Variants in E4F1 observed in about 807,000 individuals in gnomAD.
The protein encoded by E4F1 is E4F transcription factor 1, also known as transcription factor E4F1.
E4F1 carries 30 observed loss-of-function variants against 72.9 expected under a neutral mutation model. The ratio of observed to expected loss-of-function variants is 0.41; its 90% CI spans 0.31 to 0.56. E4F1 has a LOEUF of 0.56. Ranked by LOEUF, E4F1 falls within the 20% of genes least tolerant of loss-of-function variation. The probability of loss-of-function intolerance (pLI) is 0.25; values close to 1 mark genes in which losing one functional copy is unlikely to be tolerated. For missense variants in E4F1, 1,091 were observed against 1,117.5 expected (o/e 0.98, Z 0.34); for synonymous variants, 542 against 478.2 (o/e 1.13, Z -1.74).
intron 1 of E4F1, among the ~76,000 whole-genome samples, chr16:2,225,149 G>A (rs2093423865): frequency 6.6e-6 from 1 of 151,702 alleles, no homozygotes; most frequent in Non-Finnish European, 1.5e-5. Context: ...GGAGACGGAG[G>A]TCGCAGTAAG....
At chr16:2,229,722 G>T in intron 3 of E4F1, 47 bp downstream of exon 3, 1 of 1,597,856 alleles carries the variant, frequency 6.3e-7, no homozygotes, top group Non-Finnish European at 8.5e-7. Flanking sequence ...CTTCGTGGTT[G>T]GGGCCAGAGG....
At position 2,233,106 on chromosome 16, in the gene E4F1, G is replaced by A. The variant is rs750675436; in HGVS notation, c.979G>A (p.Ala327Thr). Residue 327 changes from alanine (A) to threonine (T), a missense_variant, in exon 7 of 14, where the codon GCC (alanine) becomes ACC (threonine). Ala to Thr is a moderately conservative substitution (Grantham distance 58, BLOSUM62 0). Transcript: ENST00000301727. ...ACCCGTGATTCACCTGGTGACAGAT[G>A]CCAAGGGCACCGTCATCCACGAAGT... Reference protein sequence around the residue: ...TSPVIHLVTDAKGTVIHEVHV... With the variant: ...TSPVIHLVTDTKGTVIHEVHV... 1.9e-6 allele frequency: 3 copies of A among 1,612,504 alleles called. No homozygotes were observed. Among genetic ancestry groups the A allele is most frequent in the Admixed American group, 3.3e-5 (2 of 59,990 alleles).
In E4F1 at chr16:2,223,715, G is replaced by A; in HGVS notation, c.102G>A (p.Ala34=). 2 of 1,556,166 alleles carry A rather than the reference G, an allele frequency of 1.3e-6. No individual in the cohort carries two copies. Among genetic ancestry groups the A allele is most frequent in the Non-Finnish European group, 1.7e-6 (2 of 1,161,970 alleles). ...EAGEGAVAAV[A]AALAPSGFLG... The stretch of plus-strand genomic sequence containing the variant: ...GCGAGGGTGCAGTTGCGGCGGTGGC[G>A]GCGGCCTTGGCCCCCAGCGGCTTCC... The change falls in exon 1 of 14, where the codon GCG becomes GCA. Residue 34 remains alanine (A), a synonymous_variant. Transcript: ENST00000301727.
chr16:2,230,431 C>G (rs1407194267), intron 3 of E4F1: 1 of 152,506 alleles, frequency 6.6e-6, no homozygotes, highest in Non-Finnish European at 1.5e-5. Flanking sequence ...GGGCGAGTGG[C>G]TAGGTGTGCA....
rs570940739 is a variant in E4F1, at chr16:2,233,205, G to C, written c.1056+22G>C. The C allele has an allele frequency of 1.9e-6, 3 of 1,582,856 alleles. No individual in the cohort carries two copies. In the Admixed American group the frequency reaches 5.2e-5, roughly 27 times the overall value. On this transcript the variant is annotated intron_variant, in intron 7 of 13. Coordinates refer to ENST00000301727, the MANE Select transcript of E4F1 (RefSeq NM_004424.5). ...AGAGGTGGGGGCGACGGGGGGCCCC[G>C]GAGGGCTGCTCTGTCTTCTGCCTGC...
rs1270646319 is a variant in E4F1, at chr16:2,223,679, G to A, written c.66G>A (p.Gly22=). The A allele has an allele frequency of 6.3e-7, 1 of 1,580,010 alleles. No individual in the cohort carries two copies. Among genetic ancestry groups the A allele is most frequent in the Admixed American group, 1.7e-5 (1 of 57,342 alleles). Residue 22 remains glycine (G), a synonymous_variant, in exon 1 of 14, where the codon GGG becomes GGA. Transcript: ENST00000301727. ...AHTAEAQAEA[G]REAGEGAVAA... is the part of the protein sequence containing the mutation. ...CGGCAGAAGCCCAGGCCGAAGCCGG[G>A]CGGGAAGCGGGCGAGGGTGCAGTTG...
rs549906446 is a variant in E4F1, at chr16:2,234,079, C to T, written c.1375+89C>T. On this transcript the variant is annotated intron_variant, in intron 9 of 13. Transcript: ENST00000301727. ...TGGGTGTCCAGGGTGGGTCCATAGA[C>T]AGCAGGGAGCCAGGGGATCTGTGGG... The T allele has an allele frequency of 3.5e-3, 5,395 of 1,549,570 alleles. 27 individuals carry two copies. Among genetic ancestry groups the T allele is most frequent in the Non-Finnish European group, 3.4e-3 (3,877 of 1,143,910 alleles).
intron 3 of E4F1, 78 bp downstream of exon 3, chr16:2,229,753 A>G (rs2093455496): frequency 2.7e-6 from 4 of 1,484,676 alleles, no homozygotes; most frequent in South Asian, 1.1e-5. Flanking sequence ...TGCTGCCTGT[A>G]TGCTCGTCTC....
intron 2 of E4F1, among the ~76,000 whole-genome samples, chr16:2,228,971 C>T (rs1027536974): frequency 2.0e-5 from 3 of 152,238 alleles, no homozygotes; most frequent in African/African-American, 7.2e-5. Flanking sequence ...GGGCTGGATA[C>T]ACAGGCCTGT....
intron 1 of E4F1, among the ~76,000 whole-genome samples, chr16:2,225,835 C>A (rs899972578): frequency 6.7e-6 from 1 of 150,140 alleles, no homozygotes; most frequent in African/African-American, 2.4e-5. Context: ...ATGGCTCGCG[C>A]CTGTAATCCC....
In E4F1 at chr16:2,233,076, A is replaced by G; in HGVS notation, c.949A>G (p.Thr317Ala). 1 of 1,612,416 alleles carries G rather than the reference A, an allele frequency of 6.2e-7. No individual in the cohort carries two copies. The highest frequency in any genetic ancestry group is 8.5e-7 in the Non-Finnish European group (1 of 1,179,444). Residue 317 changes from threonine to alanine, a missense_variant, in exon 7 of 14, where the codon ACT becomes GCT. By Grantham distance (58) the Thr-to-Ala change is moderately conservative (BLOSUM62 0). This residue lies in a region of E4F1 where 101 missense variants were observed against 97.4 expected (regional missense o/e 1.04). Coordinates refer to ENST00000301727, the MANE Select transcript of E4F1 (RefSeq NM_004424.5). ...TSSVTGEPIE[T>A]SPVIHLVTDA... ...ATCGGTGACAGGCGAGCCTATAGAGACTTCACCCGTGATTCACCTGGTGAC... is the reference window on the plus strand; with the variant it reads ...ATCGGTGACAGGCGAGCCTATAGAGGCTTCACCCGTGATTCACCTGGTGAC...
rs772419867 is a variant in E4F1, at chr16:2,229,590, C to T, written c.330C>T (p.Gly110=). 5.0e-6 allele frequency: 8 copies of T among 1,611,890 alleles called. No individual in the cohort carries two copies. Among genetic ancestry groups the T allele is most frequent in the Middle Eastern group, 1.7e-4 (1 of 6,060 alleles). ...LGQEVVPAAP[G]PEEPITVAHI... ...GGCAGGTGGTGCCGGCAGCACCAGG[C>T]CCAGAGGAGCCCATCACTGTGGCCC... The change falls in exon 3 of 14, where the codon GGC becomes GGT. Residue 110 remains glycine, a synonymous_variant. Transcript: ENST00000301727.
At chr16:2,227,585 G>T (rs554801748) in intron 1 of E4F1, among the ~76,000 whole-genome samples, 15 of 152,196 alleles carry the variant, frequency 9.9e-5, no homozygotes, top group African/African-American at 3.6e-4. Context: ...TGTTAGCCAG[G>T]ATGGTCTCAA....
At position 2,233,604 on chromosome 16, in the gene E4F1, C is replaced by T. The variant is rs1163467597; in HGVS notation, c.1223C>T (p.Ala408Val). Reference sequence around the variant, plus strand: ...TCCAGTCCCCAGCCCCTGGCAGTGGCAGCCCCGCAGCTGCCGGTACTGGAA... The same window carrying T: ...TCCAGTCCCCAGCCCCTGGCAGTGGTAGCCCCGCAGCTGCCGGTACTGGAA... ...AGSSPQPLAV[A>V]APQLPVLEVQ... The change falls in exon 8 of 14, where the codon GCA becomes GTA. Residue 408 changes from alanine to valine, a missense_variant. By Grantham distance (64) the Ala-to-Val change is moderately conservative (BLOSUM62 0). This residue lies in a region of E4F1 where 622 missense variants were observed against 628.0 expected (regional missense o/e 0.99). Transcript: ENST00000301727. 1.3e-6 allele frequency: 2 copies of T among 1,506,886 alleles called. No individual in the cohort carries two copies. Among genetic ancestry groups the T allele is most frequent in the African/African-American group, 2.8e-5 (2 of 72,264 alleles). 93.3% of individuals were successfully genotyped at this position (1,506,886 alleles called of 1,614,324 possible).
At position 2,233,570 on chromosome 16, in the gene E4F1, G is replaced by C; in HGVS notation, c.1189G>C (p.Ala397Pro). Residue 397 changes from alanine to proline, a missense_variant, in exon 8 of 14, where the codon GCT becomes CCT. Physicochemically the swap from Ala to Pro is conservative, Grantham distance 27. This residue lies in a region of E4F1 where 622 missense variants were observed against 628.0 expected (regional missense o/e 0.99). Transcript: ENST00000301727. ...GEEGALEPAP[A>P]AGSSPQPLAV... ...GGAGGGTGCCCTGGAGCCAGCTCCT[G>C]CTGCCGGGTCCAGTCCCCAGCCCCT... 1 of 1,504,530 alleles carries C rather than the reference G, an allele frequency of 6.6e-7. No individual in the cohort carries two copies. The highest frequency in any genetic ancestry group is 1.4e-5 in the African/African-American group (1 of 72,268). 93.2% of individuals were successfully genotyped at this position (1,504,530 alleles called of 1,614,324 possible).
At position 2,228,409 on chromosome 16, in the gene E4F1, A is replaced by G. The variant is rs762184429; in HGVS notation, c.195A>G (p.Ala65=). Residue 65 remains alanine (A), a synonymous_variant, in exon 2 of 14, where the codon GCA becomes GCG. Coordinates refer to ENST00000301727, the MANE Select transcript of E4F1 (RefSeq NM_004424.5). The stretch of plus-strand genomic sequence containing the variant: ...TGCACAGATGCGGCCGCTGCCAGGC[A>G]GAGTTCACCGCCTTGGAGGATTTTG... ...DDVHRCGRCQ[A]EFTALEDFVQ... is the part of the protein sequence containing the mutation. 1.9e-5 allele frequency: 30 copies of G among 1,613,678 alleles called. No homozygotes were observed. The highest frequency in any genetic ancestry group is 2.5e-5 in the Non-Finnish European group (30 of 1,180,036).
intron 1 of E4F1, chr16:2,224,059 T>G: frequency 5.6e-4 from 555 of 989,240 alleles, no homozygotes; most frequent in East Asian, 5.2e-4. Flanking sequence ...GACGCCGGCG[T>G]CCCGGCCCTT....
intron 3 of E4F1, chr16:2,231,859 T>G: frequency 8.6e-6 from 3 of 347,842 alleles, no homozygotes; most frequent in Non-Finnish European, 1.1e-5. Context: ...GTCACCAGGA[T>G]TCGCACGTCC....
At chr16:2,228,769 C>G (rs1241097362) in intron 2 of E4F1, among the ~76,000 whole-genome samples, 4 of 152,172 alleles carry the variant, frequency 2.6e-5, no homozygotes, top group African/African-American at 7.2e-5. Flanking sequence ...CTGTTGGGGG[C>G]CGGGATCTCT....
Sources: gnomAD v4.1 joint callset for allele counts (sites outside exome capture counted in the v4.1 genomes callset) on GRCh38, gnomAD v4.1.1 for gene constraint, gnomAD v4.1.1 regional missense constraint, MANE v1.5 for transcripts, NCBI Gene and HGNC (gene_info 2026-07-23, HGNC 2026-07-21) for gene names.